Variants in RPS6KC1 observed in about 807,000 individuals in gnomAD.
RPS6KC1 encodes ribosomal protein S6 kinase C1.
Under a neutral mutation model 103.8 loss-of-function variants are expected in RPS6KC1, and 54 were observed. That is an observed-to-expected ratio of 0.52 (90% CI 0.42 to 0.65). The LOEUF is 0.65. Ranked by LOEUF, RPS6KC1 falls within the 30% of genes least tolerant of loss-of-function variation. RPS6KC1 has a pLI of 0.00. For synonymous variants in RPS6KC1, 439 were observed against 438.7 expected (o/e 1.00, Z -0.01); for missense variants, 1,151 against 1,253.8 (o/e 0.92, Z 1.24).
the RPS6KC1 span, among the ~76,000 whole-genome samples, chr1:213,364,595 G>A: frequency 8.5e-4 from 129 of 152,122 alleles, 1 homozygote; most frequent in South Asian, 8.5e-3. Context: ...CCACAGATCT[G>A]GTCAAAGAGA....
chr1:213,840,362 A>G, the RPS6KC1 span: 1 of 152,220 alleles, frequency 6.6e-6, no homozygotes, highest in Non-Finnish European at 1.5e-5. Context: ...CTGGGCACAT[A>G]ATGAGTGCTC....
intron 8 of RPS6KC1, among the ~76,000 whole-genome samples, chr1:213,223,026 G>T (rs931396978): frequency 3.9e-5 from 6 of 152,110 alleles, no homozygotes; most frequent in African/African-American, 1.4e-4. Flanking sequence ...AATCGGTCTA[G>T]TACTATTTTC....
At chr1:213,735,566 C>T in the RPS6KC1 span, among the ~76,000 whole-genome samples, 2 of 152,154 alleles carry the variant, frequency 1.3e-5, no homozygotes, top group Admixed American at 6.5e-5. Flanking sequence ...TTATGTTCTA[C>T]CTACATTGCT....
intron 6 of RPS6KC1, among the ~76,000 whole-genome samples, chr1:213,144,530 G>A (rs1395319969): frequency 1.3e-5 from 2 of 151,992 alleles, no homozygotes; most frequent in Non-Finnish European, 2.9e-5. Flanking sequence ...TGGGATTATA[G>A]GTGTGAGCCA....
At chr1:213,764,762 A>C in the RPS6KC1 span, among the ~76,000 whole-genome samples, 241 of 152,280 alleles carry the variant, frequency 1.6e-3, no homozygotes, top group African/African-American at 5.7e-3. Flanking sequence ...GGAGCAAGCA[A>C]GTGGAAGGGA....
At chr1:213,415,797 T>G in the RPS6KC1 span, among the ~76,000 whole-genome samples, 352 of 152,338 alleles carry the variant, frequency 2.3e-3, 4 homozygotes, top group Admixed American at 5.0e-3. Context: ...ATGCAGCCTG[T>G]AATTACCTCG....
At chr1:213,833,075 G>C in the RPS6KC1 span, among the ~76,000 whole-genome samples, 3 of 152,178 alleles carry the variant, frequency 2.0e-5, no homozygotes, top group African/African-American at 7.2e-5. Context: ...CAGCAGACAA[G>C]CTTCAGGGGA....
the RPS6KC1 span, among the ~76,000 whole-genome samples, chr1:213,495,600 C>T: frequency 6.6e-6 from 1 of 152,150 alleles, no homozygotes; most frequent in Non-Finnish European, 1.5e-5. Flanking sequence ...GGATTACAGG[C>T]GTGAGCCACT....
At chr1:213,258,524 A>G (rs955616470) in intron 12 of RPS6KC1, among the ~76,000 whole-genome samples, 1 of 152,248 alleles carries the variant, frequency 6.6e-6, no homozygotes, top group Non-Finnish European at 1.5e-5. Flanking sequence ...ATGGAGGAAT[A>G]GTGCCTAGTA....
At chr1:213,108,071 C>T (rs1344473688) in intron 4 of RPS6KC1, among the ~76,000 whole-genome samples, 1 of 151,966 alleles carries the variant, frequency 6.6e-6, no homozygotes, top group East Asian at 1.9e-4. Context: ...TTTTAGTTTT[C>T]TTAGTGGTGT....
At chr1:213,340,870 G>C in the RPS6KC1 span, among the ~76,000 whole-genome samples, 43 of 152,368 alleles carry the variant, frequency 2.8e-4, no homozygotes, top group East Asian at 1.5e-3. Context: ...GTGATTGGGG[G>C]CAGGAATAAA....
At chr1:213,496,130 G>A in the RPS6KC1 span, among the ~76,000 whole-genome samples, 1 of 151,588 alleles carries the variant, frequency 6.6e-6, no homozygotes, top group African/African-American at 2.4e-5. Context: ...AAAAACTAGA[G>A]AAGTAAATGT....
the RPS6KC1 span, among the ~76,000 whole-genome samples, chr1:213,482,921 T>G: frequency 6.6e-6 from 1 of 152,158 alleles, no homozygotes; most frequent in Non-Finnish European, 1.5e-5. Flanking sequence ...TTATTATGTA[T>G]TTTAGTGTCC....
chr1:213,466,935 T>C, the RPS6KC1 span, among the ~76,000 whole-genome samples: 1 of 152,026 alleles, frequency 6.6e-6, no homozygotes, highest in African/African-American at 2.4e-5. Context: ...AATTTAATAT[T>C]CTATTAAATT....
the RPS6KC1 span, among the ~76,000 whole-genome samples, chr1:213,742,771 C>T: frequency 6.6e-6 from 1 of 152,248 alleles, no homozygotes; most frequent in Non-Finnish European, 1.5e-5. Flanking sequence ...GGAAGCACTG[C>T]ATGCACAGAA....
chr1:213,341,563 C>T, the RPS6KC1 span, among the ~76,000 whole-genome samples: 1 of 152,158 alleles, frequency 6.6e-6, no homozygotes, highest in South Asian at 2.1e-4. Context: ...TTGGCTCTAG[C>T]ACTGGCAGAC....
chr1:213,474,154 C>T, the RPS6KC1 span, among the ~76,000 whole-genome samples: 1 of 152,146 alleles, frequency 6.6e-6, no homozygotes. Context: ...CTAATTTTAG[C>T]TCAACTGTTC....
intron 6 of RPS6KC1, among the ~76,000 whole-genome samples, chr1:213,133,880 A>G (rs938823663): frequency 1.3e-5 from 2 of 152,112 alleles, no homozygotes; most frequent in Non-Finnish European, 2.9e-5. Flanking sequence ...GTTCCTCCTA[A>G]TTAGATTAGC....
chr1:213,788,055 G>A, the RPS6KC1 span, among the ~76,000 whole-genome samples: 5 of 152,156 alleles, frequency 3.3e-5, no homozygotes, highest in Non-Finnish European at 5.9e-5. Flanking sequence ...AAACCAAGAA[G>A]CTATTTACAA....
Sources: allele counts gnomAD v4.1 joint callset (sites outside exome capture counted in the v4.1 genomes callset), GRCh38; gene constraint gnomAD v4.1.1; transcripts MANE v1.5; gene names NCBI Gene and HGNC (gene_info 2026-07-23, HGNC 2026-07-21).